The following CYLD variants were observed in gnomAD, a reference collection of about 807,000 sequenced individuals.
CYLD encodes the protein ubiquitin carboxyl-terminal hydrolase CYLD.
Under a neutral mutation model 104.5 loss-of-function variants are expected in CYLD, and 26 were observed. The ratio of observed to expected loss-of-function variants is 0.25; its 90% CI spans 0.18 to 0.35. The LOEUF (loss-of-function observed/expected upper bound fraction) is 0.35. Among genes scored for constraint, CYLD ranks in the 10% least tolerant of loss-of-function variants. The probability of loss-of-function intolerance (pLI) is 1.00; values close to 1 mark genes in which losing one functional copy is unlikely to be tolerated. For synonymous variants in CYLD, 385 were observed against 399.9 expected, an observed-to-expected ratio of 0.96 and a Z score of 0.45; for missense variants, 703 against 1,136.1, an observed-to-expected ratio of 0.62 and a Z score of 5.48.
chr16:50,762,166 G>A (rs112002282), intron 5 of CYLD, among the ~76,000 whole-genome samples: 1,928 of 146,044 alleles, frequency 0.013, 47 homozygotes, highest in African/African-American at 0.046. Flanking sequence ...TCCACCCCCC[G>A]CCACCCCAAG....
At position 50,801,656 on chromosome 16, in the gene CYLD, G is replaced by A. The variant is rs902925893; in HGVS notation, c.*5148G>A. 1 of 233,136 alleles carries A rather than the reference G, an allele frequency of 4.3e-6. No homozygotes were observed. The highest frequency in any genetic ancestry group is 8.5e-6 in the Non-Finnish European group (1 of 117,808). The allele number at this position is 233,136 out of a possible 1,614,324, so 14.4% of individuals were successfully genotyped here. On this transcript the variant is annotated 3_prime_UTR_variant, in exon 19 of 19. Coordinates refer to ENST00000427738, the MANE Select transcript of CYLD (RefSeq NM_001378743.1). ...CATCTGAAACTTCCCAGGGGAGTTG[G>A]GATTCTTAGTAGATTGGTAGAAAGG... is the stretch of plus-strand genomic sequence containing the variant.
At chr16:50,759,288 A>G (rs1967643880) in intron 5 of CYLD, among the ~76,000 whole-genome samples, 1 of 152,192 alleles carries the variant, frequency 6.6e-6, no homozygotes, top group Admixed American at 6.5e-5. Flanking sequence ...AAGTATATAT[A>G]ACAACATATA....
intron 2 of CYLD, among the ~76,000 whole-genome samples, chr16:50,745,362 GTTTT>G (rs535675323): frequency 2.5e-5 from 2 of 78,750 alleles, no homozygotes; most frequent in African/African-American, 1.1e-4. Context: ...TTTCCTCTTT[GTTTT>G]TTTTTTTTTT....
intron 11 of CYLD, among the ~76,000 whole-genome samples, chr16:50,783,494 A>G (rs566137279): frequency 5.4e-4 from 82 of 152,246 alleles, no homozygotes; most frequent in Admixed American, 2.1e-3. Context: ...AAAAATCTAT[A>G]TTAGCTAAAT....
chr16:50,766,025 T>G (rs1968475742), intron 5 of CYLD, among the ~76,000 whole-genome samples: 1 of 152,200 alleles, frequency 6.6e-6, no homozygotes, highest in South Asian at 2.1e-4. Context: ...AGTTAATTGA[T>G]GAAAGTGGCT....
chr16:50,768,398 T>C (rs1354832957), intron 5 of CYLD, among the ~76,000 whole-genome samples: 1 of 152,192 alleles, frequency 6.6e-6, no homozygotes, highest in East Asian at 1.9e-4. Flanking sequence ...TTCTTTTTCT[T>C]GCCCAATTAC....
intron 5 of CYLD, among the ~76,000 whole-genome samples, chr16:50,770,814 G>A (rs929637615): frequency 6.6e-6 from 1 of 152,122 alleles, no homozygotes; most frequent in Non-Finnish European, 1.5e-5. Flanking sequence ...ATTGGATCCT[G>A]TGCTTTTTTA....
chr16:50,783,264 A>T (rs956966836), intron 11 of CYLD, among the ~76,000 whole-genome samples: 4 of 152,090 alleles, frequency 2.6e-5, no homozygotes, highest in African/African-American at 7.2e-5. Context: ...AGCTCTGGAA[A>T]TTGAACCAAG....
At chr16:50,776,032 C>G in intron 6 of CYLD, 147 bp from the exon 7 acceptor site, 1 of 665,462 alleles carries the variant, frequency 1.5e-6, no homozygotes, top group Non-Finnish European at 2.7e-6. Context: ...TTTTTCAATA[C>G]TTTTGATGGC....
intron 5 of CYLD, among the ~76,000 whole-genome samples, chr16:50,761,775 T>TATCTATCTATCTATCTATCA (rs1348271485): frequency 7.9e-4 from 120 of 152,260 alleles, no homozygotes; most frequent in African/African-American, 2.7e-3. Flanking sequence ...TCTATCTATC[T>TATCTATCTATCTATCTATCA]ATATCTTTGA....
chr16:50,751,007 A>G (rs1050486731), intron 3 of CYLD, among the ~76,000 whole-genome samples: 1 of 152,188 alleles, frequency 6.6e-6, no homozygotes. Flanking sequence ...TGCCAATTAC[A>G]TTTTGACACT....
intron 5 of CYLD, among the ~76,000 whole-genome samples, chr16:50,770,008 A>G (rs1968970824): frequency 6.6e-6 from 1 of 152,158 alleles, no homozygotes; most frequent in Admixed American, 6.5e-5. Context: ...TTCCTGAGTA[A>G]TATTCCATAT....
At chr16:50,761,871 T>G (rs924312286) in intron 5 of CYLD, among the ~76,000 whole-genome samples, 1 of 152,218 alleles carries the variant, frequency 6.6e-6, no homozygotes, top group Non-Finnish European at 1.5e-5. Context: ...GATACCCTGT[T>G]GTCTTAGTAT....
intron 5 of CYLD, among the ~76,000 whole-genome samples, chr16:50,764,685 G>T (rs996470131): frequency 1.3e-5 from 2 of 152,094 alleles, no homozygotes; most frequent in Non-Finnish European, 2.9e-5. Flanking sequence ...GTCTAAGCCC[G>T]TAGTTCTCAG....
chr16:50,785,408 C>G (rs1214219461), intron 12 of CYLD: 1 of 152,134 alleles, frequency 6.6e-6, no homozygotes, highest in African/African-American at 2.4e-5. Context: ...TAAATTTCCT[C>G]ACTTATATCT....
At chr16:50,776,108 T>A (rs929142523) in intron 6 of CYLD, 71 bp from the exon 7 acceptor site, 16 of 1,114,166 alleles carry the variant, frequency 1.4e-5, no homozygotes, top group Non-Finnish European at 2.1e-5. Flanking sequence ...TTTTATTTTG[T>A]TACTGTCATT....
chr16:50,767,421 C>T (rs1941881313), intron 5 of CYLD, among the ~76,000 whole-genome samples: 2 of 150,800 alleles, frequency 1.3e-5, no homozygotes, highest in African/African-American at 4.9e-5. Flanking sequence ...TGGAACAGAA[C>T]CTACAATATC....
chr16:50,799,321 C>T lies in CYLD; in HGVS notation c.*2813C>T, dbSNP rs772595190. On this transcript the variant is annotated 3_prime_UTR_variant, in exon 19 of 19. Transcript: ENST00000427738. ...TGTGTGTGTGTATATATGTATGTGG[C>T]GGAGAGGGAGAGAGTGGGGAAGGAG... 2.2e-4 allele frequency: 51 copies of T among 232,936 alleles called. No homozygotes were observed. Among genetic ancestry groups the T allele is most frequent in the African/African-American group, 9.1e-4 (41 of 45,196 alleles). The allele number at this position is 232,936 out of a possible 1,614,324, so 14.4% of individuals were successfully genotyped here.
chr16:50,764,357 T>A (rs1179178625), intron 5 of CYLD, among the ~76,000 whole-genome samples: 1 of 152,180 alleles, frequency 6.6e-6, no homozygotes, highest in African/African-American at 2.4e-5. Context: ...CATTTGTTTG[T>A]TTTTGATTGT....
Sources: gnomAD v4.1 joint callset for allele counts (sites outside exome capture counted in the v4.1 genomes callset) on GRCh38, gnomAD v4.1.1 for gene constraint, MANE v1.5 for transcripts, NCBI Gene and HGNC (gene_info 2026-07-23, HGNC 2026-07-21) for gene names.